Variants in RIMS1 observed in about 807,000 individuals in gnomAD.
RIMS1 encodes regulating synaptic membrane exocytosis 1.
Under a neutral mutation model 214.1 loss-of-function variants are expected in RIMS1, and 83 were observed. The observed-to-expected ratio is 0.39, with a 90% confidence interval of 0.32 to 0.47. The LOEUF (loss-of-function observed/expected upper bound fraction) is 0.47, where lower values mean the gene tolerates loss of function less well. Among genes scored for constraint, RIMS1 ranks in the 20% least tolerant of loss-of-function variants. The probability of loss-of-function intolerance (pLI) is 0.99; values close to 1 mark genes in which losing one functional copy is unlikely to be tolerated. For missense variants in RIMS1, 2,050 were observed against 2,161.8 expected, an observed-to-expected ratio of 0.95 and a Z score of 1.03; for synonymous variants, 793 against 786.8, an observed-to-expected ratio of 1.01 and a Z score of -0.13.
rs1338551586 is a variant in RIMS1, at chr6:72,317,251, C to T, written c.4130+3579C>T. Reference sequence around the variant, plus strand: ...GGGAGCATCTCGCAGCAAGTAGGGCCGCAGGTCCTTGGTGAAGGCTCCACA... The same window carrying T: ...GGGAGCATCTCGCAGCAAGTAGGGCTGCAGGTCCTTGGTGAAGGCTCCACA... On this transcript the variant is annotated intron_variant, in intron 28 of 33. Coordinates refer to ENST00000521978, the MANE Select transcript of RIMS1 (RefSeq NM_014989.7). 2.1e-5 allele frequency: 6 copies of T among 289,676 alleles called. No homozygotes were observed. The East Asian group carries it at 3.6e-4, about 17-fold the overall frequency. The allele number at this position is 289,676 out of a possible 1,614,324, so 17.9% of individuals were successfully genotyped here.
At chr6:72,300,578 A>G (rs1157122038) in intron 26 of RIMS1, among the ~76,000 whole-genome samples, 3 of 151,804 alleles carry the variant, frequency 2.0e-5, no homozygotes, top group African/African-American at 7.2e-5. Flanking sequence ...CCCCCAAAGA[A>G]GGCTTAATTA....
intron 1 of RIMS1, among the ~76,000 whole-genome samples, chr6:71,950,386 A>T (rs1458448152): frequency 1.3e-5 from 2 of 152,170 alleles, no homozygotes; most frequent in African/African-American, 4.8e-5. Context: ...TGAAAAAAAA[A>T]GCAGTTATAA....
chr6:72,096,819 GT>G (rs754300628), intron 2 of RIMS1, 129 bp from the exon 3 acceptor site: 173 of 743,500 alleles, frequency 2.3e-4, no homozygotes, highest in Non-Finnish European at 3.7e-4. Context: ...GGGGAAAATA[GT>G]TTTGTATGTT....
chr6:71,965,800 TA>T (rs1430214509), intron 1 of RIMS1, among the ~76,000 whole-genome samples: 1 of 152,190 alleles, frequency 6.6e-6, no homozygotes, highest in Admixed American at 6.5e-5. Flanking sequence ...TTTGAATTCC[TA>T]GTCCTTCAAT....
At chr6:72,217,542 T>C (rs2056713890) in intron 6 of RIMS1, among the ~76,000 whole-genome samples, 1 of 152,242 alleles carries the variant, frequency 6.6e-6, no homozygotes, top group Non-Finnish European at 1.5e-5. Context: ...TTCAGAAAGA[T>C]ACATTTTTCT....
chr6:72,028,633 C>A (rs976854733), intron 2 of RIMS1, among the ~76,000 whole-genome samples: 2 of 152,056 alleles, frequency 1.3e-5, no homozygotes, highest in Non-Finnish European at 2.9e-5. Context: ...AAACTCCCTG[C>A]TAAAAAGACA....
chr6:71,893,170 C>T (rs1770499451), intron 1 of RIMS1, among the ~76,000 whole-genome samples: 1 of 152,148 alleles, frequency 6.6e-6, no homozygotes, highest in South Asian at 2.1e-4. Context: ...GGAAGATGAG[C>T]TCTTGGAGAA....
chr6:71,994,856 C>T (rs892783499), intron 2 of RIMS1, among the ~76,000 whole-genome samples: 1 of 152,176 alleles, frequency 6.6e-6, no homozygotes, highest in East Asian at 1.9e-4. Context: ...ATACTAAGTG[C>T]CTGGGGAAGG....
chr6:72,053,593 T>C (rs934307266), intron 2 of RIMS1, among the ~76,000 whole-genome samples: 4 of 152,164 alleles, frequency 2.6e-5, no homozygotes, highest in Non-Finnish European at 4.4e-5. Flanking sequence ...CACATAAAGA[T>C]ATATGCAGTT....
chr6:71,967,056 T>C (rs1794650266), intron 1 of RIMS1, among the ~76,000 whole-genome samples: 1 of 152,172 alleles, frequency 6.6e-6, no homozygotes, highest in Non-Finnish European at 1.5e-5. Context: ...TCCAAGTTGG[T>C]GATATTCCAG....
At chr6:72,242,739 T>C (rs1345785266) in intron 10 of RIMS1, among the ~76,000 whole-genome samples, 1 of 151,892 alleles carries the variant, frequency 6.6e-6, no homozygotes, top group Non-Finnish European at 1.5e-5. Flanking sequence ...TATATTTAAG[T>C]AATTCTAATT....
At chr6:72,193,008 ATATGTAT>A (rs1383938399) in intron 6 of RIMS1, among the ~76,000 whole-genome samples, 1 of 152,210 alleles carries the variant, frequency 6.6e-6, no homozygotes, top group Non-Finnish European at 1.5e-5. Context: ...AACCATCACA[ATATGTAT>A]ATTCTCCCAT....
At chr6:71,935,534 G>A (rs531560373) in intron 1 of RIMS1, among the ~76,000 whole-genome samples, 1 of 152,302 alleles carries the variant, frequency 6.6e-6, no homozygotes, top group South Asian at 2.1e-4. Context: ...ATGTGGTTTG[G>A]TGTAGATGTG....
At chr6:72,033,228 C>A (rs1818643991) in intron 2 of RIMS1, among the ~76,000 whole-genome samples, 1 of 152,218 alleles carries the variant, frequency 6.6e-6, no homozygotes, top group Non-Finnish European at 1.5e-5. Context: ...CTTCTGTTCA[C>A]TAACCATCCA....
intron 1 of RIMS1, among the ~76,000 whole-genome samples, chr6:71,937,755 A>G (rs141989277): frequency 2.6e-4 from 40 of 152,330 alleles, no homozygotes; most frequent in Non-Finnish European, 4.1e-4. Flanking sequence ...CCCACCTCTT[A>G]ATATTGTTTC....
rs1298877692 is a variant in RIMS1, at chr6:72,153,807, A to T, written c.472-25768A>T. Among the ~76,000 whole-genome samples the T allele has an allele frequency of 3.3e-5, 5 of 152,344 alleles. No individual in the cohort carries two copies. The East Asian group carries it at 9.6e-4, about 29-fold the overall frequency. On this transcript the variant is annotated intron_variant, in intron 4 of 33. Coordinates refer to ENST00000521978, the MANE Select transcript of RIMS1 (RefSeq NM_014989.7). ...AAATATTTTGAGAAATCTGATGAGT[A>T]TAACAAACAGCTGCATTCATTTGTT...
At chr6:72,195,740 T>C (rs949418221) in intron 6 of RIMS1, among the ~76,000 whole-genome samples, 8 of 152,114 alleles carry the variant, frequency 5.3e-5, no homozygotes, top group Non-Finnish European at 8.8e-5. Context: ...TAATTTTGAC[T>C]AGAAGTGTAT....
intron 16 of RIMS1, among the ~76,000 whole-genome samples, chr6:72,257,230 T>A (rs2076242416): frequency 1.3e-5 from 2 of 151,950 alleles, no homozygotes; most frequent in African/African-American, 4.8e-5. Flanking sequence ...ATAATTTTTT[T>A]ATTTTCCTTA....
chr6:72,296,140 A>G (rs1247581073), intron 26 of RIMS1, among the ~76,000 whole-genome samples: 1 of 151,870 alleles, frequency 6.6e-6, no homozygotes, highest in Non-Finnish European at 1.5e-5. Context: ...CTATGTTCAC[A>G]TCAAAGAAGA....
Sources: gnomAD v4.1 joint callset for allele counts (sites outside exome capture counted in the v4.1 genomes callset) on GRCh38, gnomAD v4.1.1 for gene constraint, MANE v1.5 for transcripts, NCBI Gene and HGNC (gene_info 2026-07-23, HGNC 2026-07-21) for gene names.